Variants in DDX60 observed in about 807,000 individuals in gnomAD.
DDX60 encodes probable ATP-dependent RNA helicase DDX60.
Under a neutral mutation model 212.8 loss-of-function variants are expected in DDX60, and 165 were observed. That is an observed-to-expected ratio of 0.78 (90% confidence interval 0.68 to 0.88). The LOEUF is 0.88. DDX60 is among the 40% of genes least tolerant of loss of function. The pLI, the probability that DDX60 is intolerant of heterozygous loss-of-function variation, is 0.00. For missense variants in DDX60, 1,905 were observed against 2,003.9 expected (o/e 0.95, Z 0.94); for synonymous variants, 703 against 685.3 (o/e 1.03, Z -0.40).
intron 1 of DDX60, among the ~76,000 whole-genome samples, chr4:168,312,747 T>TAGATAGATAGATAGATAGATA (rs915120579): frequency 2.1e-4 from 31 of 144,322 alleles, no homozygotes; most frequent in African/African-American, 7.3e-4. Context: ...GATAGATAGA[T>TAGATAGATAGATAGATAGATA]ATGATAGAGA....
At chr4:168,298,233 C>A (rs1246307612) in intron 6 of DDX60, among the ~76,000 whole-genome samples, 2 of 151,928 alleles carry the variant, frequency 1.3e-5, no homozygotes, top group Admixed American at 1.3e-4. Flanking sequence ...AATACAAATG[C>A]CTATAATATA....
rs756500496 is a variant in DDX60 at position 168,252,587 on chromosome 4, A to C, written c.3627T>G (p.Asn1209Lys). Residue 1209 changes from asparagine (N) to lysine (K), a missense_variant, in exon 27 of 38, where the codon AAT becomes AAG. By Grantham distance (94) the Asn-to-Lys change is moderately conservative (BLOSUM62 0). Transcript: ENST00000393743. ...GGTTCTTCTCTAGACACTTCACTAG[A>C]TTATCATGTTCAGCTTCATGTATTA... is the stretch of plus-strand genomic sequence containing the variant. ...QSLIHEAEHD[N>K]LVKCLEKNLE... 1 of 1,613,656 alleles carries C rather than the reference A, an allele frequency of 6.2e-7. No homozygotes were observed. Among genetic ancestry groups the C allele is most frequent in the Non-Finnish European group, 8.5e-7 (1 of 1,179,880 alleles).
intron 17 of DDX60, 37 bp from the exon 18 acceptor site, chr4:168,273,435 TAG>T: frequency 6.2e-7 from 1 of 1,609,044 alleles, no homozygotes; most frequent in Non-Finnish European, 8.5e-7. Context: ...AGTCACATAA[TAG>T]AGAGAGGTGA....
At chr4:168,314,978 G>A (rs1295644773) in intron 1 of DDX60, among the ~76,000 whole-genome samples, 3 of 152,080 alleles carry the variant, frequency 2.0e-5, no homozygotes, top group Non-Finnish European at 4.4e-5. Context: ...AGACAGAAAA[G>A]GTACAAAGAA....
chr4:168,225,825 A>G, intron 33 of DDX60, 149 bp from the exon 34 acceptor site: 1 of 747,904 alleles, frequency 1.3e-6, no homozygotes, highest in Non-Finnish European at 2.0e-6. Context: ...TCATTTTTTC[A>G]CTGGTGAAGT....
chr4:168,311,083 AAGAG>A lies in DDX60; in HGVS notation c.5-20_5-17del, dbSNP rs756154472. The A allele has an allele frequency of 1.2e-4, 187 of 1,502,248 alleles. No homozygotes were observed. Among genetic ancestry groups the A allele is most frequent in the Admixed American group, 1.8e-4 (10 of 56,902 alleles). The allele number at this position is 1,502,248 out of a possible 1,614,324, so 93.1% of individuals were successfully genotyped here. On this transcript the variant is annotated splice_polypyrimidine_tract_variant and intron_variant, in intron 2 of 37. Transcript: ENST00000393743. ...ACATTTCTTTCTAAATTTAAAAAAA[AAGAG>A]AGAAAGAGAATGGGTTATTTTTCAA...
chr4:168,310,944 A>G, intron 3 of DDX60, 54 bp downstream of exon 3: 2 of 1,092,088 alleles, frequency 1.8e-6, no homozygotes, highest in South Asian at 1.4e-5. Flanking sequence ...CCAAATAGAC[A>G]TACAGGGAAC....
chr4:168,231,766 A>G (rs889879698), intron 33 of DDX60, among the ~76,000 whole-genome samples: 2 of 152,028 alleles, frequency 1.3e-5, no homozygotes, highest in African/African-American at 4.8e-5. Flanking sequence ...TATACTTTAC[A>G]GGGAAAAGTA....
At chr4:168,247,202 G>A (rs1402595) in intron 29 of DDX60, among the ~76,000 whole-genome samples, 8,863 of 152,272 alleles carry the variant, frequency 0.058, 446 homozygotes, top group East Asian at 0.15. Context: ...CACTGGGAAT[G>A]TAAGAGACGT....
intron 19 of DDX60, among the ~76,000 whole-genome samples, chr4:168,270,739 C>T (rs1299769042): frequency 6.6e-6 from 1 of 152,082 alleles, no homozygotes; most frequent in South Asian, 2.1e-4. Flanking sequence ...AAGTTTACAG[C>T]AAGGAAAAGG....
At chr4:168,297,350 GAAAGAAAGAAAGAAAGAAA>G (rs1736422839) in intron 6 of DDX60, among the ~76,000 whole-genome samples, 1 of 79,968 alleles carries the variant, frequency 1.3e-5, no homozygotes, top group Non-Finnish European at 2.3e-5. Flanking sequence ...AAGAAAGAAA[GAAAGAAAGAAAGAAAGAAA>G]GAAAGAAAGA....
upstream of DDX60, among the ~76,000 whole-genome samples, chr4:168,319,960 C>T (rs767832739): frequency 1.3e-5 from 2 of 152,086 alleles, no homozygotes; most frequent in Non-Finnish European, 2.9e-5. Context: ...ATCCATCAGA[C>T]AATTACTTGT....
Position 168,224,351 on chromosome 4 carries a change from G to C in DDX60, c.4716C>G (p.Leu1572=). Residue 1572 remains leucine (L), a synonymous_variant, in exon 35 of 38, where the codon CTC becomes CTG. Coordinates refer to ENST00000393743, the MANE Select transcript of DDX60 (RefSeq NM_017631.6). ...CCTTGCAGCTCATCAAATGAGATAC[G>C]AGTTGAGAGTCTTCACATTCTTTAC... ...FTGKECEDSQ[L]VSHLMSCKEG... 1.2e-6 allele frequency: 2 copies of C among 1,611,730 alleles called. No homozygotes were observed. Among genetic ancestry groups the C allele is most frequent in the South Asian group, 2.2e-5 (2 of 91,002 alleles).
At chr4:168,266,741 C>G (rs959179192) in intron 22 of DDX60, among the ~76,000 whole-genome samples, 1 of 152,072 alleles carries the variant, frequency 6.6e-6, no homozygotes, top group Non-Finnish European at 1.5e-5. Flanking sequence ...ATGCATTTAG[C>G]TTTTTCCAAA....
chr4:168,309,526 G>A (rs769231808), intron 3 of DDX60, among the ~76,000 whole-genome samples: 2 of 151,928 alleles, frequency 1.3e-5, no homozygotes, highest in African/African-American at 2.4e-5. Context: ...ATCTCACATT[G>A]AAAATAGAGC....
In DDX60 at chr4:168,318,267, GT is replaced by G. The variant is rs199577646; in HGVS notation, c.-107+354del. On this transcript the variant is annotated intron_variant, in intron 1 of 37. Transcript: ENST00000393743. ...GCTTCTTGCTGCTGTCAATGTACAG[GT>G]TTTACTGGCTGTGCTTAGATATGAT... Among the ~76,000 whole-genome samples the G allele has an allele frequency of 8.6e-3, 1,304 of 152,314 alleles. 15 individuals carry two copies. The highest frequency in any genetic ancestry group is 0.013 in the Non-Finnish European group (870 of 68,030).
chr4:168,284,716 T>C (rs917913200), intron 12 of DDX60, 104 bp downstream of exon 12: 11 of 543,522 alleles, frequency 2.0e-5, no homozygotes, highest in African/African-American at 1.1e-4. Flanking sequence ...ACTATTTTCA[T>C]TCAAAAAAAT....
chr4:168,292,409 C>G (rs1309286538), intron 7 of DDX60, among the ~76,000 whole-genome samples: 1 of 152,124 alleles, frequency 6.6e-6, no homozygotes, highest in Non-Finnish European at 1.5e-5. Context: ...ATAAACTCTA[C>G]TGCATTTATA....
Position 168,246,610 on chromosome 4 carries a change from G to C in DDX60, c.3972C>G (p.Gly1324=). 2.5e-6 allele frequency: 4 copies of C among 1,613,984 alleles called. No homozygotes were observed. Among genetic ancestry groups the C allele is most frequent in the South Asian group, 2.2e-5 (2 of 91,072 alleles). Residue 1324 remains glycine (G), a synonymous_variant, in exon 30 of 38, where the codon GGC becomes GGG. Coordinates refer to ENST00000393743, the MANE Select transcript of DDX60 (RefSeq NM_017631.6). Reference sequence around the variant, plus strand: ...GGTCTTGACCTCTTCTTCCAGCACGGCCAGACATCTGAAAAGAGAATAGAA... The same window carrying C: ...GGTCTTGACCTCTTCTTCCAGCACGCCCAGACATCTGAAAAGAGAATAGAA... ...LDALNYRQMS[G]RAGRRGQDLM...
Sources: allele counts gnomAD v4.1 joint callset (sites outside exome capture counted in the v4.1 genomes callset), GRCh38; gene constraint gnomAD v4.1.1; transcripts MANE v1.5; gene names NCBI Gene and HGNC (gene_info 2026-07-23, HGNC 2026-07-21).